Variants in PITPNM3 observed in about 807,000 individuals in gnomAD.
PITPNM3 encodes the protein membrane-associated phosphatidylinositol transfer protein 3.
In PITPNM3, 26 loss-of-function variants were observed where a neutral mutation model predicts 102.0. The ratio of observed to expected loss-of-function variants is 0.25; its 90% CI spans 0.19 to 0.35. The LOEUF (loss-of-function observed/expected upper bound fraction) is 0.35. Ranked by LOEUF, PITPNM3 falls within the 10% of genes least tolerant of loss-of-function variation. The pLI is 1.00. For synonymous variants in PITPNM3, 578 were observed against 558.6 expected, an observed-to-expected ratio of 1.03 and a Z score of -0.49; for missense variants, 1,083 against 1,346.1, an observed-to-expected ratio of 0.80 and a Z score of 3.06.
At position 6,469,632 on chromosome 17, in the gene PITPNM3, GC is replaced by G. The variant is rs1342931346; in HGVS notation, c.1773+627del. 4.6e-5 allele frequency among the ~76,000 whole-genome samples: 7 copies of G among 152,124 alleles called. No individual in the cohort carries two copies. Among genetic ancestry groups the G allele is most frequent in the Non-Finnish European group, 8.8e-5 (6 of 68,024 alleles). On this transcript the variant is annotated intron_variant, in intron 13 of 19. Coordinates refer to ENST00000262483, the MANE Select transcript of PITPNM3 (RefSeq NM_031220.4). The surrounding 1 kb of genome is among the most constrained non-coding windows in gnomAD (Gnocchi z 4.0). ...ACCTCCACCCCCTGTCCTACTCCAA[GC>G]CTCCTCTCTAAGTTGGGCCCCTGCA...
At chr17:6,551,712 A>G (rs1910309825) in intron 1 of PITPNM3, among the ~76,000 whole-genome samples, 1 of 151,918 alleles carries the variant, frequency 6.6e-6, no homozygotes, top group South Asian at 2.1e-4. Context: ...CCCCATCGTT[A>G]TGAAAAAAAA....
chr17:6,516,397 A>C (rs1180643605), intron 3 of PITPNM3, among the ~76,000 whole-genome samples: 1 of 151,456 alleles, frequency 6.6e-6, no homozygotes, highest in Non-Finnish European at 1.5e-5. Flanking sequence ...CCCCGTCTCT[A>C]CTAAAAATAC....
chr17:6,519,343 CAAAAAAAAAA>C (rs34295318), intron 3 of PITPNM3, among the ~76,000 whole-genome samples: 1 of 4,148 alleles, frequency 2.4e-4, no homozygotes, highest in Admixed American at 4.0e-3. Flanking sequence ...GACTCCGTCT[CAAAAAAAAAA>C]AAAAAAAAAA....
chr17:6,474,555 C>T lies in PITPNM3; in HGVS notation c.1135G>A (p.Gly379Arg), dbSNP rs753444638. The T allele has an allele frequency of 5.0e-6, 8 of 1,599,462 alleles. No homozygotes were observed. The Admixed American group carries it at 1.2e-4, about 24-fold the overall frequency. Residue 379 changes from glycine (G) to arginine (R), a missense_variant, in exon 10 of 20, where the codon GGG (glycine) becomes AGG (arginine). By Grantham distance (125) the Gly-to-Arg change is moderately radical. Transcript: ENST00000262483. ...AGGCTGACCTCAGGGAGCTGCGGCC[C>T]CCCAGCCGCCGGGGTCTCAGACTCA... ...KDESETPAAG[G>R]PQLPEVSLGR...
chr17:6,491,629 A>T (rs1308593928), intron 4 of PITPNM3, among the ~76,000 whole-genome samples: 1 of 152,026 alleles, frequency 6.6e-6, no homozygotes, highest in Non-Finnish European at 1.5e-5. Flanking sequence ...AAAGCCACTG[A>T]GCTTGTTCAG....
rs1198806302 is a variant in PITPNM3, at chr17:6,470,170, G to A, written c.1773+90C>T. The A allele has an allele frequency of 7.1e-7, 1 of 1,409,596 alleles. No homozygotes were observed. Among genetic ancestry groups the A allele is most frequent in the Non-Finnish European group, 9.7e-7 (1 of 1,028,902 alleles). The allele number at this position is 1,409,596 out of a possible 1,614,324, so 87.3% of individuals were successfully genotyped here. A position where few individuals can be genotyped will look rare whatever the true frequency, so the allele number is the denominator to read the frequency against. On this transcript the variant is annotated intron_variant, in intron 13 of 19. Coordinates refer to ENST00000262483, the MANE Select transcript of PITPNM3 (RefSeq NM_031220.4). The surrounding 1 kb of genome is among the most constrained non-coding windows in gnomAD (Gnocchi z 4.8). ...GGATCAAGGCCAAAAGCTGAACAGT[G>A]TCTGCAAGAATAGCCTCCTCTCCAG...
chr17:6,516,563 CAA>C (rs34384161), intron 3 of PITPNM3, among the ~76,000 whole-genome samples: 79 of 113,774 alleles, frequency 6.9e-4, no homozygotes, highest in African/African-American at 2.5e-3. Context: ...GACTCCGCCT[CAA>C]AAAAAAAAAA....
intron 2 of PITPNM3, among the ~76,000 whole-genome samples, chr17:6,531,965 G>T (rs2150655242): frequency 6.6e-6 from 1 of 152,274 alleles, no homozygotes; most frequent in Non-Finnish European, 1.5e-5. Context: ...AATCAGCTGG[G>T]CCTGGTGGTA....
chr17:6,503,896 T>C (rs1907334383), intron 3 of PITPNM3, among the ~76,000 whole-genome samples: 1 of 152,054 alleles, frequency 6.6e-6, no homozygotes, highest in South Asian at 2.1e-4. Context: ...TGCCTGCCTC[T>C]CTATACTCAC....
At chr17:6,490,923 C>A (rs1285575600) in intron 4 of PITPNM3, among the ~76,000 whole-genome samples, 2 of 139,540 alleles carry the variant, frequency 1.4e-5, no homozygotes, top group African/African-American at 5.4e-5. Context: ...GATGGCCCCA[C>A]TGCACTCCAG....
intron 1 of PITPNM3, among the ~76,000 whole-genome samples, chr17:6,538,712 T>C (rs1254375885): frequency 6.6e-6 from 1 of 152,146 alleles, no homozygotes; most frequent in African/African-American, 2.4e-5. Flanking sequence ...CCTGCCTCAG[T>C]TTTTCCATCT....
intron 15 of PITPNM3, 85 bp downstream of exon 15, chr17:6,464,570 C>T: frequency 7.2e-7 from 1 of 1,392,198 alleles, no homozygotes. Flanking sequence ...GCCCTCTTGA[C>T]ACCCTCACCC....
Position 6,455,524 on chromosome 17 carries a change from C to T in PITPNM3, c.2739G>A (p.Gln913=), listed in dbSNP as rs1914050797. Residue 913 remains glutamine (Q), a synonymous_variant, in exon 20 of 20, where the codon CAG becomes CAA. Coordinates refer to ENST00000262483, the MANE Select transcript of PITPNM3 (RefSeq NM_031220.4). ...GGTTGCGCTTCCGCAGGAACTCTGG[C>T]TGCGCGTGCAGCCCGAAGCTGCCCT... ...LRKGSFGLHA[Q]PEFLRKRNHL... The T allele has an allele frequency of 6.2e-7, 1 of 1,605,352 alleles. No homozygotes were observed. The highest frequency in any genetic ancestry group is 8.5e-7 in the Non-Finnish European group (1 of 1,179,556).
At chr17:6,528,452 G>A (rs531417593) in intron 2 of PITPNM3, among the ~76,000 whole-genome samples, 26 of 152,170 alleles carry the variant, frequency 1.7e-4, no homozygotes, top group Admixed American at 7.8e-4. Context: ...GTGTGTGCAC[G>A]TGTGCACGTG....
chr17:6,471,348 G>A lies in PITPNM3; in HGVS notation c.1437C>T (p.Ala479=), dbSNP rs774899870. ...GGAAGAGGGGGCTGTGGGTGTGTAG[G>A]GCATCAGCTGGAGGGGGAATTTCAA... ...GDGQSLLLAD[A]LHTHSPLFLE... Residue 479 remains alanine, a synonymous_variant, in exon 12 of 20, where the codon GCC becomes GCT. Transcript: ENST00000262483. 1.9e-6 allele frequency: 3 copies of A among 1,591,678 alleles called. No individual in the cohort carries two copies. Among genetic ancestry groups the A allele is most frequent in the Non-Finnish European group, 2.6e-6 (3 of 1,170,900 alleles).
At chr17:6,527,216 G>A (rs925334990) in intron 2 of PITPNM3, among the ~76,000 whole-genome samples, 2 of 152,228 alleles carry the variant, frequency 1.3e-5, no homozygotes, top group Non-Finnish European at 2.9e-5. Flanking sequence ...ACAAATATGA[G>A]GTGATATTAT....
chr17:6,455,209 A>ACACT lies in PITPNM3; in HGVS notation c.*125_*128dup. The ACACT allele has an allele frequency of 8.1e-7, 1 of 1,228,948 alleles. No individual in the cohort carries two copies. The highest frequency in any genetic ancestry group is 1.1e-6 in the Non-Finnish European group (1 of 914,382). The allele number at this position is 1,228,948 out of a possible 1,614,324, so 76.1% of individuals were successfully genotyped here. On this transcript the variant is annotated 3_prime_UTR_variant, in exon 20 of 20. Coordinates refer to ENST00000262483, the MANE Select transcript of PITPNM3 (RefSeq NM_031220.4). Reference sequence around the variant, plus strand: ...CAGGATCCCTCCCCGCTCTGGTCGGACACTGCTGGACAGACACGGGAGGGA... The same window carrying ACACT: ...CAGGATCCCTCCCCGCTCTGGTCGGACACTCACTGCTGGACAGACACGGGAGGGA...
At chr17:6,492,210 C>A (rs904128301) in intron 4 of PITPNM3, among the ~76,000 whole-genome samples, 14 of 9,928 alleles carry the variant, frequency 1.4e-3, no homozygotes, top group Non-Finnish European at 2.3e-3. Flanking sequence ...ACTACAGGCG[C>A]CCCCCCACCA....
At chr17:6,496,600 T>C (rs1010978341) in intron 4 of PITPNM3, among the ~76,000 whole-genome samples, 1 of 152,182 alleles carries the variant, frequency 6.6e-6, no homozygotes, top group Non-Finnish European at 1.5e-5. Context: ...TATGACTATT[T>C]GATTATTATC....
Sources: gnomAD v4.1 joint callset for allele counts (sites outside exome capture counted in the v4.1 genomes callset) on GRCh38, gnomAD v4.1.1 for gene constraint, Gnocchi (gnomAD v3.1) non-coding constraint, MANE v1.5 for transcripts, NCBI Gene and HGNC (gene_info 2026-07-23, HGNC 2026-07-21) for gene names.